Variants in GPM6A observed in about 807,000 individuals in gnomAD.
GPM6A encodes neuronal membrane glycoprotein M6-a.
GPM6A carries 7 observed loss-of-function variants against 32.1 expected under a neutral mutation model. The observed-to-expected ratio is 0.22, with a 90% CI of 0.12 to 0.41. GPM6A has a LOEUF of 0.41. Ranked by LOEUF, GPM6A falls within the 10% of genes least tolerant of loss-of-function variation. The pLI is 1.00. For missense variants in GPM6A, 235 were observed against 347.2 expected (o/e 0.68, Z 2.57); for synonymous variants, 130 against 123.4 (o/e 1.05, Z -0.35).
chr4:175,803,305 C>T (rs941842026), intron 1 of GPM6A, among the ~76,000 whole-genome samples: 1 of 152,106 alleles, frequency 6.6e-6, no homozygotes, highest in Non-Finnish European at 1.5e-5. Flanking sequence ...GAGAATGGAG[C>T]TACAGCATAA....
chr4:175,923,722 T>G (rs1224751146), intron 1 of GPM6A, among the ~76,000 whole-genome samples: 3 of 151,906 alleles, frequency 2.0e-5, no homozygotes, highest in East Asian at 3.9e-4. Context: ...CCCAGCTAAT[T>G]TTTGTATTTT....
chr4:175,895,305 G>A (rs1737763369), intron 1 of GPM6A, among the ~76,000 whole-genome samples: 1 of 151,950 alleles, frequency 6.6e-6, no homozygotes, highest in African/African-American at 2.4e-5. Flanking sequence ...TAAAGAATAC[G>A]TGATTCAAAA....
intron 1 of GPM6A, among the ~76,000 whole-genome samples, chr4:175,921,727 C>A (rs1300021398): frequency 6.6e-6 from 1 of 152,144 alleles, no homozygotes; most frequent in Admixed American, 6.5e-5. Flanking sequence ...CAAATCCTGA[C>A]CATGAGCCAT....
At chr4:175,968,878 T>A (rs1740412611) in intron 1 of GPM6A, among the ~76,000 whole-genome samples, 1 of 152,198 alleles carries the variant, frequency 6.6e-6, no homozygotes, top group Non-Finnish European at 1.5e-5. Context: ...TTTGGCAGTA[T>A]TTTATAAAAC....
intron 1 of GPM6A, among the ~76,000 whole-genome samples, chr4:175,778,881 TATA>T (rs767375334): frequency 8.8e-4 from 133 of 150,740 alleles, no homozygotes; most frequent in Non-Finnish European, 1.2e-3. Flanking sequence ...ATATCAATAA[TATA>T]ATCACATATT....
chr4:175,662,697 CCTAT>C (rs1742499525), intron 3 of GPM6A, among the ~76,000 whole-genome samples: 1 of 151,756 alleles, frequency 6.6e-6, no homozygotes, highest in Admixed American at 6.6e-5. Flanking sequence ...TAGACATTTA[CCTAT>C]CTAACAGGTA....
chr4:175,960,831 C>T (rs1654102782), intron 1 of GPM6A: 2 of 152,104 alleles, frequency 1.3e-5, no homozygotes, highest in Admixed American at 1.3e-4. Context: ...ATGACTAATC[C>T]CACAACATGC....
At chr4:175,637,599 G>A (rs1395851296) in intron 6 of GPM6A, among the ~76,000 whole-genome samples, 13 of 108,596 alleles carry the variant, frequency 1.2e-4, no homozygotes, top group Non-Finnish European at 1.6e-4. Flanking sequence ...TATATATTAT[G>A]TAAAATATAT....
chr4:175,908,403 G>C (rs1398514435), intron 1 of GPM6A, among the ~76,000 whole-genome samples: 1 of 152,048 alleles, frequency 6.6e-6, no homozygotes, highest in Non-Finnish European at 1.5e-5. Context: ...AAGTGAAATT[G>C]ATTAGAAGAC....
chr4:175,652,165 G>A (rs1369370190), intron 3 of GPM6A, among the ~76,000 whole-genome samples, 178 bp from the exon 4 acceptor site: 1 of 152,174 alleles, frequency 6.6e-6, no homozygotes, highest in Non-Finnish European at 1.5e-5. Flanking sequence ...AATGGGTTAA[G>A]TGAATAAACC....
intron 1 of GPM6A, among the ~76,000 whole-genome samples, chr4:175,992,227 C>T (rs1051610570): frequency 3.3e-5 from 5 of 151,966 alleles, no homozygotes; most frequent in Non-Finnish European, 5.9e-5. Context: ...AAGTAATGTG[C>T]GTGTAGCCTA....
chr4:175,836,231 T>C (rs192789442), intron 1 of GPM6A, among the ~76,000 whole-genome samples: 28 of 152,268 alleles, frequency 1.8e-4, no homozygotes, highest in Middle Eastern at 3.4e-3. Flanking sequence ...AGTGCACTTC[T>C]ATACATACAG....
intron 1 of GPM6A, among the ~76,000 whole-genome samples, chr4:175,936,150 C>CA (rs1380842461): frequency 1.3e-5 from 2 of 150,754 alleles, no homozygotes; most frequent in Non-Finnish European, 3.0e-5. Flanking sequence ...CTAAAAATTA[C>CA]AAAAAATTAG....
chr4:175,701,328 G>A lies in GPM6A; in HGVS notation c.230+247C>T, dbSNP rs370833802. Among the ~76,000 whole-genome samples the A allele has an allele frequency of 2.9e-4, 44 of 152,280 alleles. 1 individual carries two copies. In the South Asian group the frequency reaches 4.8e-3, roughly 16 times the overall value. On this transcript the variant is annotated intron_variant, in intron 2 of 6. Transcript: ENST00000393658. ...TTCCACTTAATGGTAACCAAATTTCGAATACAACTTTACATTTAAAGCATT... is the reference window on the plus strand; with the variant it reads ...TTCCACTTAATGGTAACCAAATTTCAAATACAACTTTACATTTAAAGCATT...
intron 1 of GPM6A, among the ~76,000 whole-genome samples, chr4:175,943,041 T>C (rs1261771020): frequency 6.6e-6 from 1 of 152,194 alleles, no homozygotes; most frequent in East Asian, 1.9e-4. Context: ...TTTGTTTGTG[T>C]CCTCTCTTAT....
intron 1 of GPM6A, among the ~76,000 whole-genome samples, chr4:175,894,764 C>T (rs904670000): frequency 6.6e-6 from 1 of 152,056 alleles, no homozygotes; most frequent in Non-Finnish European, 1.5e-5. Context: ...CAAACACACT[C>T]TAGTATCATT....
intron 1 of GPM6A, among the ~76,000 whole-genome samples, chr4:175,702,207 G>A (rs902135839): frequency 3.9e-5 from 6 of 152,162 alleles, no homozygotes; most frequent in Middle Eastern, 3.4e-3. Context: ...ATGTGTCATA[G>A]TTATACAAGT....
At chr4:175,646,600 C>G (rs1741477305) in intron 4 of GPM6A, among the ~76,000 whole-genome samples, 1 of 152,202 alleles carries the variant, frequency 6.6e-6, no homozygotes, top group Admixed American at 6.5e-5. Flanking sequence ...GCACATGACA[C>G]AATTTTTCCT....
rs544989069 is a variant in GPM6A at position 175,693,014 on chromosome 4, A to G, written c.230+8561T>C. Among the ~76,000 whole-genome samples the G allele has an allele frequency of 3.9e-5, 6 of 152,102 alleles. No homozygotes were observed. In the South Asian group the frequency reaches 1.2e-3, roughly 32 times the overall value. ...CAATTCCCTGTATTTGTTTAGCTTGATGAAACCTATAACTCTGTTAAAGTA... is the reference window on the plus strand; with the variant it reads ...CAATTCCCTGTATTTGTTTAGCTTGGTGAAACCTATAACTCTGTTAAAGTA... On this transcript the variant is annotated intron_variant, in intron 2 of 6. Coordinates refer to ENST00000393658, the MANE Select transcript of GPM6A (RefSeq NM_201591.3).
Sources: gnomAD v4.1 joint callset for allele counts (sites outside exome capture counted in the v4.1 genomes callset) on GRCh38, gnomAD v4.1.1 for gene constraint, MANE v1.5 for transcripts, NCBI Gene and HGNC (gene_info 2026-07-23, HGNC 2026-07-21) for gene names.